The following SLIT2 variants were observed in gnomAD, a reference collection of about 807,000 sequenced individuals.
The protein encoded by SLIT2 is slit guidance ligand 2.
Under a neutral mutation model 185.7 loss-of-function variants are expected in SLIT2, and 41 were observed. The observed-to-expected ratio is 0.22, with a 90% confidence interval of 0.17 to 0.29. SLIT2 has a LOEUF of 0.29. SLIT2 is among the 10% of genes least tolerant of loss of function. The pLI, the probability that SLIT2 is intolerant of heterozygous loss-of-function variation, is 1.00. For synonymous variants in SLIT2, 693 were observed against 680.2 expected, an observed-to-expected ratio of 1.02 and a Z score of -0.29; for missense variants, 1,571 against 1,909.0, an observed-to-expected ratio of 0.82 and a Z score of 3.30.
intron 3 of SLIT2, among the ~76,000 whole-genome samples, chr4:20,261,391 A>G (rs1712457002): frequency 6.6e-6 from 1 of 151,924 alleles, no homozygotes; most frequent in South Asian, 2.1e-4. Context: ...TATATCTGCA[A>G]TAAATTCTCC....
rs558000152 is a variant in SLIT2, at chr4:20,415,071, A to G, written c.396-52681A>G. On this transcript the variant is annotated intron_variant, in intron 4 of 36. Transcript: ENST00000504154. ...TAATGAATTTTGACTGAATATTTAT[A>G]TAAGTGTGCAGTGGAAGAAGGAAAT... is the stretch of plus-strand genomic sequence containing the variant. 1.2e-4 allele frequency among the ~76,000 whole-genome samples: 19 copies of G among 152,346 alleles called. No individual in the cohort carries two copies. In the South Asian group the frequency reaches 3.7e-3, roughly 30 times the overall value.
chr4:20,271,646 G>A (rs1044194821), intron 4 of SLIT2, among the ~76,000 whole-genome samples: 1 of 151,004 alleles, frequency 6.6e-6, no homozygotes, highest in African/African-American at 2.4e-5. Flanking sequence ...TCTTTTCTTA[G>A]TTATTGTATA....
chr4:20,590,197 G>A (rs756473942), intron 30 of SLIT2, among the ~76,000 whole-genome samples: 8 of 152,078 alleles, frequency 5.3e-5, no homozygotes, highest in Admixed American at 1.3e-4. Flanking sequence ...GAGCCACCGC[G>A]CCCAGCCCCA....
At chr4:20,487,054 C>T (rs1717310922) in intron 7 of SLIT2, among the ~76,000 whole-genome samples, 1 of 151,850 alleles carries the variant, frequency 6.6e-6, no homozygotes, top group African/African-American at 2.4e-5. Context: ...TTTCAAAATA[C>T]TCCTCATTTT....
intron 4 of SLIT2, among the ~76,000 whole-genome samples, chr4:20,304,492 G>C (rs916946393): frequency 1.3e-5 from 2 of 152,102 alleles, no homozygotes; most frequent in African/African-American, 4.8e-5. Context: ...TTGAATCTGA[G>C]CTTGGCCATG....
At position 20,390,415 on chromosome 4, in the gene SLIT2, A is replaced by G. The variant is rs536789038; in HGVS notation, c.396-77337A>G. ...AGACTGATGCTTTGCAGTGGATGAT[A>G]GGAAAAATAATACAGAGATAACATT... On this transcript the variant is annotated intron_variant, in intron 4 of 36. Coordinates refer to ENST00000504154, the MANE Select transcript of SLIT2 (RefSeq NM_004787.4). Among the ~76,000 whole-genome samples, 87 of 152,264 alleles carry G rather than the reference A, an allele frequency of 5.7e-4. No individual in the cohort carries two copies. The South Asian group carries it at 0.014, about 25-fold the overall frequency.
chr4:20,276,195 T>C (rs1203182307), intron 4 of SLIT2, among the ~76,000 whole-genome samples: 1 of 152,156 alleles, frequency 6.6e-6, no homozygotes, highest in Non-Finnish European at 1.5e-5. Flanking sequence ...TGTTACATTA[T>C]GAGACAAGTT....
At chr4:20,523,701 T>G in intron 12 of SLIT2, 59 bp from the exon 13 acceptor site, 1 of 1,470,796 alleles carries the variant, frequency 6.8e-7, no homozygotes, top group East Asian at 2.3e-5. Context: ...AAGCACAAAA[T>G]CTTGCAGGTG....
intron 4 of SLIT2, among the ~76,000 whole-genome samples, chr4:20,273,878 T>C (rs550379846): frequency 1.3e-5 from 2 of 152,170 alleles, no homozygotes; most frequent in African/African-American, 2.4e-5. Context: ...CGTTTCCTGC[T>C]TCATTTTACT....
At chr4:20,292,871 A>C (rs77597656) in intron 4 of SLIT2, among the ~76,000 whole-genome samples, 4,695 of 152,260 alleles carry the variant, frequency 0.031, 218 homozygotes, top group East Asian at 0.19. Context: ...TATATGACTG[A>C]GTATTGATAC....
At chr4:20,483,922 A>T (rs1553910980) in intron 6 of SLIT2, among the ~76,000 whole-genome samples, 1 of 152,094 alleles carries the variant, frequency 6.6e-6, no homozygotes, top group Non-Finnish European at 1.5e-5. Context: ...TATTAATTTT[A>T]AAAATAATTT....
intron 30 of SLIT2, among the ~76,000 whole-genome samples, chr4:20,594,422 G>T (rs1296140528): frequency 6.6e-6 from 1 of 151,804 alleles, no homozygotes; most frequent in East Asian, 2.0e-4. Flanking sequence ...TATAAAGTCA[G>T]TGAACCCTCT....
At chr4:20,341,436 A>C (rs1720956250) in intron 4 of SLIT2, among the ~76,000 whole-genome samples, 2 of 152,240 alleles carry the variant, frequency 1.3e-5, no homozygotes, top group Non-Finnish European at 2.9e-5. Flanking sequence ...TTCACCAAAC[A>C]CATCTTCAAG....
rs151307530 is a variant in SLIT2 at position 20,287,054 on chromosome 4, G to A, written c.395+18173G>A. Among the ~76,000 whole-genome samples, 485 of 152,204 alleles carry A rather than the reference G, an allele frequency of 3.2e-3. 2 individuals are homozygous for A. Among genetic ancestry groups the A allele is most frequent in the Middle Eastern group, 0.01 (3 of 294 alleles). Reference sequence around the variant, plus strand: ...TTTCCTGTAAACTTACCCAGCTGCTGTTGTCTAAACTCCTACACTGGCCTT... The same window carrying A: ...TTTCCTGTAAACTTACCCAGCTGCTATTGTCTAAACTCCTACACTGGCCTT... On this transcript the variant is annotated intron_variant, in intron 4 of 36. Coordinates refer to ENST00000504154, the MANE Select transcript of SLIT2 (RefSeq NM_004787.4).
intron 4 of SLIT2, among the ~76,000 whole-genome samples, chr4:20,431,077 A>G (rs572960910): frequency 2.0e-5 from 3 of 151,628 alleles, no homozygotes; most frequent in African/African-American, 7.3e-5. Flanking sequence ...CGATCTAAGG[A>G]ATCTACACTT....
At position 20,491,810 on chromosome 4, in the gene SLIT2, C is replaced by A. The variant is rs557268494; in HGVS notation, c.825C>A (p.Ala275=). The change falls in exon 9 of 37, where the codon GCC becomes GCA. Residue 275 remains alanine, a synonymous_variant. Transcript: ENST00000504154. ...CTTGTAGTGTTTTGCACTGCCCTGC[C>A]GCCTGTACCTGTAGCAACAATATCG... is the stretch of plus-strand genomic sequence containing the variant. ...APSCSVLHCP[A]ACTCSNNIVD... is the part of the protein sequence containing the mutation. 6.2e-7 allele frequency: 1 copy of A among 1,613,830 alleles called. No individual in the cohort carries two copies. The highest frequency in any genetic ancestry group is 2.2e-5 in the East Asian group (1 of 44,868).
intron 9 of SLIT2, among the ~76,000 whole-genome samples, chr4:20,499,037 A>G (rs1476346051): frequency 6.6e-6 from 1 of 152,240 alleles, no homozygotes; most frequent in East Asian, 1.9e-4. Flanking sequence ...CATTCCTACC[A>G]ACAGTGTATA....
intron 3 of SLIT2, among the ~76,000 whole-genome samples, chr4:20,265,360 T>A (rs2109022552): frequency 6.6e-6 from 1 of 152,086 alleles, no homozygotes; most frequent in South Asian, 2.1e-4. Flanking sequence ...TTTCTGTTAA[T>A]GTTTGTATAA....
At position 20,256,652 on chromosome 4, in the gene SLIT2, C is replaced by T. The variant is rs372011233; in HGVS notation, c.180-20C>T. The T allele has an allele frequency of 7.4e-7, 1 of 1,352,734 alleles. No homozygotes were observed. Among genetic ancestry groups the T allele is most frequent in the Admixed American group, 2.0e-5 (1 of 49,492 alleles). The allele number at this position is 1,352,734 out of a possible 1,614,324, so 83.8% of individuals were successfully genotyped here. ...ACATAGAAATAAAATGGAACTTTCA[C>T]TTTCTGGTTTTTCTCTTAGGGATTT... On this transcript the variant is annotated intron_variant, in intron 1 of 36. Transcript: ENST00000504154.
Sources: allele counts gnomAD v4.1 joint callset (sites outside exome capture counted in the v4.1 genomes callset), GRCh38; gene constraint gnomAD v4.1.1; transcripts MANE v1.5; gene names NCBI Gene and HGNC (gene_info 2026-07-23, HGNC 2026-07-21).